Variants in BPHL observed in about 807,000 individuals in gnomAD.
BPHL encodes the protein serine hydrolase BPHL.
Under a neutral mutation model 31.2 loss-of-function variants are expected in BPHL, and 27 were observed. The observed-to-expected ratio is 0.87, with a 90% CI of 0.64 to 1.19. The LOEUF (loss-of-function observed/expected upper bound fraction) is 1.19, where lower values mean the gene tolerates loss of function less well. Ranked by LOEUF, BPHL falls within the 50% of genes most tolerant of loss-of-function variation. BPHL has a pLI of 0.00. For missense variants in BPHL, 356 were observed against 375.7 expected, an observed-to-expected ratio of 0.95 and a Z score of 0.43; for synonymous variants, 150 against 146.8, an observed-to-expected ratio of 1.02 and a Z score of -0.16.
At chr6:3,137,857 T>C (rs1402984434) in intron 5 of BPHL, among the ~76,000 whole-genome samples, 1 of 152,218 alleles carries the variant, frequency 6.6e-6, no homozygotes, top group Non-Finnish European at 1.5e-5. Context: ...TAGGCCACAA[T>C]GTGTACAATA....
intron 4 of BPHL, among the ~76,000 whole-genome samples, chr6:3,132,742 G>T (rs1158976542): frequency 2.0e-5 from 3 of 152,140 alleles, no homozygotes; most frequent in African/African-American, 7.2e-5. Context: ...TGAGGTGGAG[G>T]ATCACCTGAG....
intron 6 of BPHL, among the ~76,000 whole-genome samples, chr6:3,143,774 A>G (rs1289451804): frequency 6.6e-6 from 1 of 152,252 alleles, no homozygotes; most frequent in Non-Finnish European, 1.5e-5. Context: ...GGATCTAAGC[A>G]TATCAATATG....
intron 6 of BPHL, among the ~76,000 whole-genome samples, chr6:3,141,016 A>G (rs973685164): frequency 1.3e-5 from 2 of 152,220 alleles, no homozygotes; most frequent in African/African-American, 4.8e-5. Flanking sequence ...AGGCACAGAA[A>G]CAGCTCCACT....
chr6:3,137,643 G>A, intron 5 of BPHL, 150 bp downstream of exon 5: 1 of 1,233,518 alleles, frequency 8.1e-7, no homozygotes, highest in Non-Finnish European at 1.1e-6. Flanking sequence ...TAGTTCTTGT[G>A]TACTGTGCCA....
intron 4 of BPHL, 30 bp downstream of exon 4, chr6:3,129,228 C>T (rs749167627): frequency 1.4e-5 from 22 of 1,523,466 alleles, no homozygotes; most frequent in South Asian, 7.9e-5. Flanking sequence ...GATGCCGGGA[C>T]GGCAGATCCT....
chr6:3,127,470 G>T, intron 3 of BPHL, 62 bp downstream of exon 3: 2 of 1,354,642 alleles, frequency 1.5e-6, no homozygotes, highest in Admixed American at 2.4e-5. Context: ...CATTTATTTT[G>T]TTTAAATTTT....
Position 3,137,354 on chromosome 6 carries a change from T to C in BPHL, c.533-8T>C. 9 of 1,609,950 alleles carry C rather than the reference T, an allele frequency of 5.6e-6. No homozygotes were observed. Among genetic ancestry groups the C allele is most frequent in the Non-Finnish European group, 6.8e-6 (8 of 1,178,934 alleles). The stretch of plus-strand genomic sequence containing the variant: ...AAACCTTTCTTCGCCTACACTTCTG[T>C]TTTTCAGGCATCCGAGATGTTTCCA... On this transcript the variant is annotated splice_polypyrimidine_tract_variant and splice_region_variant and intron_variant, in intron 4 of 6. Transcript: ENST00000380379.
Position 3,127,415 on chromosome 6 carries a change from C to T in BPHL, c.378+7C>T, listed in dbSNP as rs1414581025. 1.9e-6 allele frequency: 3 copies of T among 1,582,824 alleles called. No homozygotes were observed. Among genetic ancestry groups the T allele is most frequent in the African/African-American group, 1.4e-5 (1 of 73,770 alleles). On this transcript the variant is annotated splice_region_variant and intron_variant, in intron 3 of 6. Transcript: ENST00000380379. ...TGCTGTTGATTTGATGAAGGTAGGT[C>T]TCTGAGGGAAGGGCCAGGGGAGGAA... is the stretch of plus-strand genomic sequence containing the variant.
At chr6:3,135,081 T>C (rs576618427) in intron 4 of BPHL, among the ~76,000 whole-genome samples, 2 of 152,344 alleles carry the variant, frequency 1.3e-5, no homozygotes, top group African/African-American at 4.8e-5. Context: ...TGGTTTTGTT[T>C]GATTTTAGAT....
At chr6:3,148,657 C>T (rs1762442472) in intron 6 of BPHL, among the ~76,000 whole-genome samples, 1 of 152,246 alleles carries the variant, frequency 6.6e-6, no homozygotes, top group African/African-American at 2.4e-5. Flanking sequence ...CAGCTCCTCC[C>T]AGCTGCTGCT....
intron 4 of BPHL, among the ~76,000 whole-genome samples, chr6:3,136,260 C>T (rs1192797686): frequency 6.6e-6 from 1 of 152,220 alleles, no homozygotes; most frequent in Admixed American, 6.5e-5. Flanking sequence ...TTCTCTCTCC[C>T]TTACCCTCCG....
Position 3,137,361 on chromosome 6 carries a change from G to A in BPHL, c.533-1G>A. On this transcript the variant is annotated splice_acceptor_variant, in intron 4 of 6. Coordinates refer to ENST00000380379, the MANE Select transcript of BPHL (RefSeq NM_004332.4). LOFTEE classifies it high-confidence loss of function. Reference sequence around the variant, plus strand: ...TCTTCGCCTACACTTCTGTTTTTCAGGCATCCGAGATGTTTCCAAATGGAG... The same window carrying A: ...TCTTCGCCTACACTTCTGTTTTTCAAGCATCCGAGATGTTTCCAAATGGAG... 1 of 1,609,974 alleles carries A rather than the reference G, an allele frequency of 6.2e-7. No homozygotes were observed. Among genetic ancestry groups the A allele is most frequent in the Non-Finnish European group, 8.5e-7 (1 of 1,179,088 alleles).
intron 6 of BPHL, among the ~76,000 whole-genome samples, chr6:3,141,876 A>T (rs1762187073): frequency 6.6e-6 from 1 of 151,714 alleles, no homozygotes; most frequent in Non-Finnish European, 1.5e-5. Context: ...CAGGAAGCTG[A>T]GTCAGGAGAA....
rs1303245350 is a variant in BPHL, at chr6:3,149,753, C to G, written c.789-2735C>G. On this transcript the variant is annotated intron_variant, in intron 6 of 6. Coordinates refer to ENST00000380379, the MANE Select transcript of BPHL (RefSeq NM_004332.4). This position sits in a 1 kb window ranked among gnomAD's most constrained non-coding sequence, Gnocchi z 4.6. Reference sequence around the variant, plus strand: ...GTTCAAGTGATTCTGCCTCAGCCTCCCGAGTAGCTGGGATTATAGGCGCGC... The same window carrying G: ...GTTCAAGTGATTCTGCCTCAGCCTCGCGAGTAGCTGGGATTATAGGCGCGC... Among the ~76,000 whole-genome samples the G allele has an allele frequency of 2.0e-5, 3 of 152,110 alleles. No homozygotes were observed. The highest frequency in any genetic ancestry group is 4.4e-5 in the Non-Finnish European group (3 of 68,034).
intron 6 of BPHL, chr6:3,150,280 C>T (rs1762485294): frequency 3.3e-5 from 5 of 152,140 alleles, no homozygotes; most frequent in Admixed American, 1.3e-4. Flanking sequence ...TCTGTAACTC[C>T]CTGAGTTACA....
intron 6 of BPHL, among the ~76,000 whole-genome samples, chr6:3,142,412 C>T (rs1006225187): frequency 6.6e-6 from 1 of 152,026 alleles, no homozygotes; most frequent in African/African-American, 2.4e-5. Context: ...CCACCATGCC[C>T]GGCCTGCAAA....
At chr6:3,143,569 A>C (rs1762235657) in intron 6 of BPHL, among the ~76,000 whole-genome samples, 1 of 152,254 alleles carries the variant, frequency 6.6e-6, no homozygotes, top group Non-Finnish European at 1.5e-5. Flanking sequence ...GATACGAAAC[A>C]CACTATGAGA....
Position 3,153,569 on chromosome 6 carries a change from A to G in BPHL, c.*994A>G, listed in dbSNP as rs920975945. The G allele has an allele frequency of 1.9e-6, 1 of 525,998 alleles. No individual in the cohort carries two copies. Among genetic ancestry groups the G allele is most frequent in the Non-Finnish European group, 3.3e-6 (1 of 301,142 alleles). The allele number at this position is 525,998 out of a possible 1,614,324, so 32.6% of individuals were successfully genotyped here. On this transcript the variant is annotated 3_prime_UTR_variant, in exon 7 of 7. Transcript: ENST00000380379. Reference sequence around the variant, plus strand: ...CTATTAAAATTAAACTTTGATTACCACAATAAAAACAGTAGCAAGTTAAAC... The same window carrying G: ...CTATTAAAATTAAACTTTGATTACCGCAATAAAAACAGTAGCAAGTTAAAC...
chr6:3,128,669 A>G (rs1761783278), intron 3 of BPHL, among the ~76,000 whole-genome samples: 1 of 152,224 alleles, frequency 6.6e-6, no homozygotes. Context: ...TCTGATCTAC[A>G]GAACTGTTCT....
Sources: allele counts gnomAD v4.1 joint callset (sites outside exome capture counted in the v4.1 genomes callset), GRCh38; gene constraint gnomAD v4.1.1; non-coding constraint Gnocchi (gnomAD v3.1); transcripts MANE v1.5; gene names NCBI Gene and HGNC (gene_info 2026-07-23, HGNC 2026-07-21).